The following EML2 variants were observed in gnomAD, a reference collection of about 807,000 sequenced individuals.
The protein encoded by EML2 is EMAP like 2.
Under a neutral mutation model 84.7 loss-of-function variants are expected in EML2, and 59 were observed. The ratio of observed to expected loss-of-function variants is 0.70; its 90% CI spans 0.56 to 0.86. The LOEUF is 0.86. Ranked by LOEUF, EML2 falls within the 40% of genes least tolerant of loss-of-function variation. The pLI is 0.00. For missense variants in EML2, 818 were observed against 855.6 expected (o/e 0.96, Z 0.55); for synonymous variants, 352 against 348.9 (o/e 1.01, Z -0.10).
At chr19:45,643,891 G>GT (rs893180934), upstream of EML2, among the ~76,000 whole-genome samples, 184 of 152,322 alleles carry the variant, frequency 1.2e-3, 1 homozygote, top group African/African-American at 4.2e-3. Flanking sequence ...CTTAGAACTC[G>GT]TAACAGGGGG....
At chr19:45,637,579 A>G (rs1459794764) in intron 3 of EML2, among the ~76,000 whole-genome samples, 1 of 150,462 alleles carries the variant, frequency 6.6e-6, no homozygotes, top group Non-Finnish European at 1.5e-5. Context: ...CCCAGGCTCA[A>G]GTGATGCTCC....
upstream of EML2, chr19:45,641,714 C>A: frequency 6.5e-7 from 1 of 1,536,116 alleles, no homozygotes; most frequent in Non-Finnish European, 8.7e-7. Context: ...CGCACCGAGG[C>A]GAGGCGCTCT....
At chr19:45,613,460 G>A in intron 18 of EML2, 81 bp downstream of exon 18, 1 of 1,526,550 alleles carries the variant, frequency 6.6e-7, no homozygotes, top group Non-Finnish European at 8.9e-7. Context: ...AGAAGGGGTG[G>A]GGTTGGACCA....
intron 4 of EML2, 26 bp from the exon 5 acceptor site, chr19:45,633,165 C>A (rs1429402524): frequency 1.2e-6 from 2 of 1,602,778 alleles, no homozygotes; most frequent in Admixed American, 1.7e-5. Context: ...ACAGAGAGAC[C>A]AGGGCTCAGT....
upstream of EML2, chr19:45,639,489 C>A: frequency 8.9e-7 from 1 of 1,120,834 alleles, no homozygotes; most frequent in Non-Finnish European, 1.1e-6. Context: ...TCCACAGCCA[C>A]CCCTGGAGCC....
At chr19:45,644,085 T>C (rs555887461), upstream of EML2, among the ~76,000 whole-genome samples, 1 of 152,290 alleles carries the variant, frequency 6.6e-6, no homozygotes, top group Middle Eastern at 3.4e-3. Context: ...AAAAATGGCA[T>C]CTGTTACTGT....
chr19:45,638,736 T>C (rs73050371), intron 2 of EML2, 102 bp from the exon 3 acceptor site: 167,740 of 1,586,714 alleles, frequency 0.11, 9,915 homozygotes, highest in East Asian at 0.22. Context: ...GCAGGGAAAC[T>C]GAGGCCAGAG....
upstream of EML2, chr19:45,642,315 G>A (rs990946122): frequency 7.8e-6 from 12 of 1,535,744 alleles, no homozygotes; most frequent in Middle Eastern, 8.4e-4. Flanking sequence ...ACACGCGGTC[G>A]TCCACTTCCA....
Position 45,626,760 on chromosome 19 carries a change from A to G in EML2, c.686T>C (p.Ile229Thr). The change falls in exon 8 of 19, where the codon ATC (isoleucine) becomes ACC (threonine). Residue 229 changes from isoleucine (I) to threonine (T), a missense_variant. By Grantham distance (89) the Ile-to-Thr change is moderately conservative (BLOSUM62 -1). Transcript: ENST00000245925. The stretch of plus-strand genomic sequence containing the variant: ...GCCCCCCTCCAAGGTCCAGAAGTAG[A>G]TGTGAGATTTCCCGCAGGTGATAAG... ...TVLITCGKSH[I>T]YFWTLEGGSL... 1 of 1,613,632 alleles carries G rather than the reference A, an allele frequency of 6.2e-7. No individual in the cohort carries two copies. The highest frequency in any genetic ancestry group is 8.5e-7 in the Non-Finnish European group (1 of 1,179,902).
upstream of EML2, chr19:45,641,856 A>C: frequency 6.7e-7 from 1 of 1,483,010 alleles, no homozygotes; most frequent in Non-Finnish European, 9.0e-7. Context: ...TCAGGCAAAC[A>C]AACCACCTCT....
chr19:45,613,777 G>A (rs932344493), intron 17 of EML2, 106 bp from the exon 18 acceptor site: 16 of 1,380,710 alleles, frequency 1.2e-5, no homozygotes, highest in African/African-American at 2.9e-5. Context: ...GACCTAGCCT[G>A]TATCTATCCG....
intron 15 of EML2, chr19:45,616,220 T>TTTTTTTTTG (rs1971047072): frequency 4.0e-6 from 2 of 503,718 alleles, no homozygotes; most frequent in Non-Finnish European, 7.0e-6. Context: ...TGAGGGGCGG[T>TTTTTTTTTG]CTCGGAACGT....
At chr19:45,645,455 G>T, upstream of EML2, 1 of 1,412,642 alleles carries the variant, frequency 7.1e-7, no homozygotes. Flanking sequence ...CCCCAGCTCA[G>T]CTCGCCTGGC....
intron 4 of EML2, 138 bp downstream of exon 4, chr19:45,634,184 G>C: frequency 9.6e-7 from 1 of 1,039,548 alleles, no homozygotes; most frequent in Non-Finnish European, 1.4e-6. Context: ...GCAGCTGGTG[G>C]CTTTGGAGAG....
intron 4 of EML2, 126 bp downstream of exon 4, chr19:45,634,196 G>A: frequency 7.9e-7 from 1 of 1,259,304 alleles, no homozygotes; most frequent in African/African-American, 1.5e-5. Context: ...TTTGGAGAGG[G>A]AGCAAAGGCT....
chr19:45,638,531 A>T lies in EML2; in HGVS notation c.153T>A (p.Pro51=), dbSNP rs1398839580. The T allele has an allele frequency of 1.9e-6, 3 of 1,614,080 alleles. No individual in the cohort carries two copies. In the Admixed American group the frequency reaches 5.0e-5, roughly 27 times the overall value. The change falls in exon 3 of 19, where the codon CCT becomes CCA. Residue 51 remains proline (P), a synonymous_variant. Coordinates refer to ENST00000245925, the MANE Select transcript of EML2 (RefSeq NM_012155.4). ...CCCACTCCAGCTTGAGCCGGCAAGAAGGCAGCTCCGAGCGTGTGTCCAGGC... is the reference window on the plus strand; with the variant it reads ...CCCACTCCAGCTTGAGCCGGCAAGATGGCAGCTCCGAGCGTGTGTCCAGGC... ...TYSLDTRSEL[P]SCRLKLEWVY...
In EML2 at chr19:45,613,639, T is replaced by C. The variant is rs762374580; in HGVS notation, c.1726A>G (p.Ile576Val). Residue 576 changes from isoleucine (I) to valine (V), a missense_variant, in exon 18 of 19, where the codon ATC becomes GTC. Physicochemically the swap from Ile to Val is conservative, Grantham distance 29. Transcript: ENST00000245925. ...IWSEGADGTD[I>V]NAVARSHDGK... ...TCATGAGAGCGGGCCACAGCGTTGA[T>C]ATCAGTGCCGTCCGCCCCCTCAGAC... 5.6e-6 allele frequency: 9 copies of C among 1,613,934 alleles called. No homozygotes were observed. The highest frequency in any genetic ancestry group is 1.3e-5 in the African/African-American group (1 of 74,884).
In EML2 at chr19:45,638,512, C is replaced by T. The variant is rs201844947; in HGVS notation, c.172G>A (p.Glu58Lys). ...SELPSCRLKL[E>K]WVYGYRGRDC... Reference sequence around the variant, plus strand: ...ATTCCAGCAAAAGGATACACCCACTCCAGCTTGAGCCGGCAAGAAGGCAGC... The same window carrying T: ...ATTCCAGCAAAAGGATACACCCACTTCAGCTTGAGCCGGCAAGAAGGCAGC... The change falls in exon 3 of 19, where the codon GAG becomes AAG. Residue 58 changes from glutamate (E) to lysine (K), a missense_variant. Coordinates refer to ENST00000245925, the MANE Select transcript of EML2 (RefSeq NM_012155.4). The T allele has an allele frequency of 1.2e-6, 2 of 1,614,074 alleles. No homozygotes were observed. Among genetic ancestry groups the T allele is most frequent in the Admixed American group, 1.7e-5 (1 of 59,990 alleles).
chr19:45,637,819 G>A (rs1359353424), intron 3 of EML2, among the ~76,000 whole-genome samples: 2 of 151,896 alleles, frequency 1.3e-5, no homozygotes, highest in Non-Finnish European at 2.9e-5. Flanking sequence ...TAGGTTTACA[G>A]GCACATGCCA....
Sources: allele counts gnomAD v4.1 joint callset (sites outside exome capture counted in the v4.1 genomes callset), GRCh38; gene constraint gnomAD v4.1.1; transcripts MANE v1.5; gene names NCBI Gene and HGNC (gene_info 2026-07-23, HGNC 2026-07-21).